The following DIS3L2 variants were observed in gnomAD, a reference collection of about 807,000 sequenced individuals.
DIS3L2 encodes DIS3-like exonuclease 2.
DIS3L2 carries 34 observed loss-of-function variants against 97.5 expected under a neutral mutation model. The observed-to-expected ratio is 0.35, with a 90% CI of 0.27 to 0.46. The LOEUF is 0.46. Ranked by LOEUF, DIS3L2 falls within the 20% of genes least tolerant of loss-of-function variation. DIS3L2 has a pLI of 1.00. For synonymous variants in DIS3L2, 435 were observed against 445.2 expected, an observed-to-expected ratio of 0.98 and a Z score of 0.29; for missense variants, 1,038 against 1,146.0, an observed-to-expected ratio of 0.91 and a Z score of 1.36.
intron 6 of DIS3L2, among the ~76,000 whole-genome samples, chr2:232,122,309 T>C (rs1304736316): frequency 6.6e-6 from 1 of 152,206 alleles, no homozygotes; most frequent in Non-Finnish European, 1.5e-5. Context: ...CTCCTTAGGG[T>C]AAGTTACATT....
At chr2:232,012,490 T>TGTTTTTGGGTTG (rs879456485) in intron 1 of DIS3L2, among the ~76,000 whole-genome samples, 2,127 of 152,260 alleles carry the variant, frequency 0.014, 21 homozygotes, top group Non-Finnish European at 0.021. Context: ...CATTTTCAAT[T>TGTTTTTGGGTTG]CCAGCGCTTG....
At position 232,200,147 on chromosome 2, in the gene DIS3L2, A is replaced by G. The variant is rs1296188463; in HGVS notation, c.1125-10179A>G. Among the ~76,000 whole-genome samples the G allele has an allele frequency of 2.0e-5, 3 of 152,310 alleles. No individual in the cohort carries two copies. In the East Asian group the frequency reaches 5.8e-4, roughly 29 times the overall value. On this transcript the variant is annotated intron_variant, in intron 9 of 20. Coordinates refer to ENST00000325385, the MANE Select transcript of DIS3L2 (RefSeq NM_152383.5). ...GGGAACTGGAAAAAGAAAGATATAA[A>G]TATGGAATGGGGGAGATAAGAACTT... is the stretch of plus-strand genomic sequence containing the variant.
chr2:232,076,853 T>G (rs1375260040), intron 5 of DIS3L2, among the ~76,000 whole-genome samples: 1 of 152,252 alleles, frequency 6.6e-6, no homozygotes, highest in Non-Finnish European at 1.5e-5. Flanking sequence ...TACATCTTCC[T>G]TAGCTATTTC....
intron 14 of DIS3L2, among the ~76,000 whole-genome samples, chr2:232,308,400 T>C (rs77927927): frequency 0.15 from 23,105 of 152,232 alleles, 2,884 homozygotes; most frequent in African/African-American, 0.34. Flanking sequence ...CCAGGTCCTC[T>C]GCCTTACTGC....
intron 5 of DIS3L2, among the ~76,000 whole-genome samples, chr2:232,058,570 C>T (rs12475375): frequency 0.11 from 16,648 of 152,146 alleles, 1,132 homozygotes; most frequent in African/African-American, 0.19. Context: ...ACTGGGATGT[C>T]ACTGTCACCA....
intron 1 of DIS3L2, among the ~76,000 whole-genome samples, chr2:232,000,666 TTC>T (rs1171611109): frequency 2.3e-4 from 33 of 146,372 alleles, no homozygotes; most frequent in African/African-American, 7.0e-4. Flanking sequence ...TCCTTTCTCT[TTC>T]TCTCTTTCTC....
intron 8 of DIS3L2, among the ~76,000 whole-genome samples, chr2:232,157,008 T>A (rs1332784748): frequency 6.6e-6 from 1 of 152,228 alleles, no homozygotes. Context: ...CAAAATAATA[T>A]ATTATTAACT....
intron 5 of DIS3L2, among the ~76,000 whole-genome samples, chr2:232,063,678 C>A (rs1293860310): frequency 6.6e-6 from 1 of 152,078 alleles, no homozygotes; most frequent in Non-Finnish European, 1.5e-5. Context: ...CAAGACACTG[C>A]CTTCATTTCC....
chr2:232,124,410 G>C (rs1380131073), intron 6 of DIS3L2, among the ~76,000 whole-genome samples: 1 of 152,192 alleles, frequency 6.6e-6, no homozygotes, highest in African/African-American at 2.4e-5. Flanking sequence ...ACTTGTGGAT[G>C]AAGAAAAGTG....
intron 6 of DIS3L2, among the ~76,000 whole-genome samples, chr2:232,121,003 A>G (rs1201557808): frequency 6.6e-6 from 1 of 152,136 alleles, no homozygotes; most frequent in Non-Finnish European, 1.5e-5. Context: ...TTATCTTAAA[A>G]AAATAAAATA....
chr2:232,068,122 G>A (rs1695901697), intron 5 of DIS3L2, among the ~76,000 whole-genome samples: 1 of 152,188 alleles, frequency 6.6e-6, no homozygotes, highest in African/African-American at 2.4e-5. Flanking sequence ...TTGCACTGCA[G>A]AAGAAGGCAA....
intron 6 of DIS3L2, among the ~76,000 whole-genome samples, chr2:232,125,335 A>G (rs1192060494): frequency 6.6e-6 from 1 of 152,236 alleles, no homozygotes; most frequent in Non-Finnish European, 1.5e-5. Flanking sequence ...ATCAATATTC[A>G]GGATGCTCAC....
At chr2:231,979,867 C>T (rs982502067) in intron 1 of DIS3L2, among the ~76,000 whole-genome samples, 8 of 152,168 alleles carry the variant, frequency 5.3e-5, no homozygotes, top group Admixed American at 6.5e-5. Flanking sequence ...TGAGCCACTG[C>T]GCCCGGCCTA....
At chr2:232,039,064 A>G (rs1243557768) in intron 5 of DIS3L2, among the ~76,000 whole-genome samples, 1 of 152,022 alleles carries the variant, frequency 6.6e-6, no homozygotes, top group Non-Finnish European at 1.5e-5. Flanking sequence ...GTTTCTGTGG[A>G]GCTCCCGAGA....
At chr2:232,317,518 C>A (rs999148572) in intron 14 of DIS3L2, among the ~76,000 whole-genome samples, 1 of 152,148 alleles carries the variant, frequency 6.6e-6, no homozygotes, top group African/African-American at 2.4e-5. Context: ...CTCACTGTAA[C>A]CTCTGCTTGC....
chr2:232,130,984 C>A, intron 7 of DIS3L2: 1 of 408,872 alleles, frequency 2.4e-6, no homozygotes, highest in Non-Finnish European at 4.3e-6. Flanking sequence ...CTTGCTTAAA[C>A]CACACTTGTA....
At chr2:232,249,112 G>A in intron 11 of DIS3L2, 127 bp from the exon 12 acceptor site, 1 of 818,472 alleles carries the variant, frequency 1.2e-6, no homozygotes, top group South Asian at 1.6e-5. Context: ...AGAGTCTTTG[G>A]GAACAGAGCC....
At chr2:232,065,800 T>G (rs922377319) in intron 5 of DIS3L2, among the ~76,000 whole-genome samples, 8 of 151,930 alleles carry the variant, frequency 5.3e-5, no homozygotes, top group African/African-American at 1.7e-4. Context: ...GAACAGATAT[T>G]TATCTCCATT....
intron 9 of DIS3L2, among the ~76,000 whole-genome samples, chr2:232,176,640 G>T (rs1048420209): frequency 7.3e-5 from 11 of 151,682 alleles, no homozygotes; most frequent in African/African-American, 2.4e-4. Flanking sequence ...CCAGGCTGGA[G>T]TGCAGTTGTG....
Sources: allele counts gnomAD v4.1 joint callset (sites outside exome capture counted in the v4.1 genomes callset), GRCh38; gene constraint gnomAD v4.1.1; transcripts MANE v1.5; gene names NCBI Gene and HGNC (gene_info 2026-07-23, HGNC 2026-07-21).